The following CSMD1 variants were observed in gnomAD, a reference collection of about 807,000 sequenced individuals.
CSMD1 encodes the protein CUB and Sushi multiple domains 1.
A neutral mutation model predicts 417.5 loss-of-function variants in CSMD1; 213 were observed. That is an observed-to-expected ratio of 0.51 (90% confidence interval 0.46 to 0.57). The LOEUF is 0.57. CSMD1 is among the 20% of genes least tolerant of loss of function. The pLI, the probability that CSMD1 is intolerant of heterozygous loss-of-function variation, is 0.00. For missense variants in CSMD1, 6,923 were observed against 4,529.7 expected, an observed-to-expected ratio of 1.53 and a Z score of -15.17; for synonymous variants, 2,862 against 1,736.8, an observed-to-expected ratio of 1.65 and a Z score of -16.11.
At chr8:4,329,192 T>C (rs1252284219) in intron 3 of CSMD1, among the ~76,000 whole-genome samples, 1 of 152,198 alleles carries the variant, frequency 6.6e-6, no homozygotes, top group African/African-American at 2.4e-5. Flanking sequence ...ATAACAAGTA[T>C]AGAGATGTTT....
intron 3 of CSMD1, among the ~76,000 whole-genome samples, chr8:4,098,428 T>A (rs916677096): frequency 1.3e-5 from 2 of 152,160 alleles, no homozygotes; most frequent in Non-Finnish European, 2.9e-5. Flanking sequence ...TCATGTTACA[T>A]AATATGTGCA....
intron 9 of CSMD1, among the ~76,000 whole-genome samples, chr8:3,583,895 A>C (rs1252568315): frequency 6.6e-6 from 1 of 151,728 alleles, no homozygotes; most frequent in African/African-American, 2.4e-5. Context: ...GCAACTAGAT[A>C]GATAAGGAGC....
At chr8:3,162,746 C>T (rs1563859) in intron 37 of CSMD1, among the ~76,000 whole-genome samples, 151,261 of 151,980 alleles carry the variant, frequency 1, 75,275 homozygotes, top group East Asian at 1. Context: ...AAATATTTTA[C>T]ATTCAATCTC....
intron 1 of CSMD1, among the ~76,000 whole-genome samples, chr8:4,802,103 AC>A (rs1798320740): frequency 6.6e-6 from 1 of 152,228 alleles, no homozygotes; most frequent in South Asian, 2.1e-4. Flanking sequence ...TTAAGTGTCC[AC>A]AGACAGTTTT....
chr8:3,756,916 C>T (rs950480602), intron 5 of CSMD1, among the ~76,000 whole-genome samples: 5 of 152,112 alleles, frequency 3.3e-5, no homozygotes, highest in Admixed American at 1.3e-4. Flanking sequence ...TTGCCTCAAC[C>T]TCTGGAGTAG....
chr8:3,065,901 C>T (rs1040304520), intron 49 of CSMD1, among the ~76,000 whole-genome samples: 4 of 152,108 alleles, frequency 2.6e-5, no homozygotes, highest in Non-Finnish European at 2.9e-5. Flanking sequence ...GAGTGAAGAG[C>T]GTAGTTTCTA....
intron 3 of CSMD1, among the ~76,000 whole-genome samples, chr8:4,214,109 C>G (rs142915382): frequency 2.0e-5 from 3 of 151,902 alleles, no homozygotes; most frequent in East Asian, 1.9e-4. Context: ...CAATTTCATT[C>G]CAGTTTTTTT....
intron 5 of CSMD1, among the ~76,000 whole-genome samples, chr8:3,894,370 C>A (rs951787133): frequency 6.6e-6 from 1 of 152,166 alleles, no homozygotes; most frequent in Non-Finnish European, 1.5e-5. Flanking sequence ...GGTGTTGCAA[C>A]TCAAGGGGAG....
intron 5 of CSMD1, among the ~76,000 whole-genome samples, chr8:3,959,485 C>T (rs942199257): frequency 2.6e-5 from 4 of 152,044 alleles, no homozygotes; most frequent in African/African-American, 9.7e-5. Flanking sequence ...GATGACTGAG[C>T]GAGACTCCGT....
chr8:3,401,179 A>G (rs945563756), intron 15 of CSMD1, among the ~76,000 whole-genome samples: 3 of 152,018 alleles, frequency 2.0e-5, no homozygotes, highest in African/African-American at 7.2e-5. Context: ...AAGATACTAT[A>G]TAAGAAAGAC....
chr8:4,458,333 C>G (rs1328797657), intron 2 of CSMD1, among the ~76,000 whole-genome samples: 1 of 151,906 alleles, frequency 6.6e-6, no homozygotes, highest in Non-Finnish European at 1.5e-5. Flanking sequence ...GATCGATTAG[C>G]TGAAAGTTAT....
At chr8:3,389,987 C>A (rs1811249402) in intron 17 of CSMD1, among the ~76,000 whole-genome samples, 1 of 152,082 alleles carries the variant, frequency 6.6e-6, no homozygotes, top group South Asian at 2.1e-4. Flanking sequence ...AATTATGATA[C>A]TACATTCGAT....
intron 26 of CSMD1, among the ~76,000 whole-genome samples, chr8:3,255,236 T>A (rs1350693322): frequency 6.6e-6 from 1 of 152,010 alleles, no homozygotes. Context: ...TGGAAGTTTT[T>A]CTCAGGGGTG....
At chr8:3,458,671 A>G (rs1816306317) in intron 12 of CSMD1, among the ~76,000 whole-genome samples, 1 of 152,270 alleles carries the variant, frequency 6.6e-6, no homozygotes, top group Admixed American at 6.5e-5. Context: ...CAATAGCAAC[A>G]ATGAACACAT....
intron 3 of CSMD1, among the ~76,000 whole-genome samples, chr8:4,313,991 G>T (rs1477209186): frequency 1.3e-5 from 2 of 151,356 alleles, no homozygotes; most frequent in African/African-American, 4.9e-5. Context: ...TCCAGCCTGG[G>T]CAACAAAGTG....
chr8:3,059,658 C>T (rs535125096), intron 49 of CSMD1, among the ~76,000 whole-genome samples: 40 of 152,096 alleles, frequency 2.6e-4, no homozygotes, highest in African/African-American at 9.2e-4. Context: ...AGGAGATGAA[C>T]GGAGAGAGGG....
At chr8:3,071,500 C>A (rs1180237593) in intron 49 of CSMD1, among the ~76,000 whole-genome samples, 2 of 151,848 alleles carry the variant, frequency 1.3e-5, no homozygotes, top group East Asian at 3.9e-4. Context: ...CACATGTATC[C>A]CAGAACTTAA....
rs145333936 is a variant in CSMD1, at chr8:3,972,967, T to C, written c.818+24936A>G. On this transcript the variant is annotated intron_variant, in intron 5 of 69. Transcript: ENST00000635120. ...AAAATGAAATAAAAATTACTCACAA[T>C]ACTTATGTGGAAAAACATTTACTGC... Among the ~76,000 whole-genome samples, 528 of 151,756 alleles carry C rather than the reference T, an allele frequency of 3.5e-3. 1 individual carries two copies. The highest frequency in any genetic ancestry group is 0.011 in the African/African-American group (472 of 41,560).
At chr8:4,506,322 C>G (rs10096809) in intron 2 of CSMD1, among the ~76,000 whole-genome samples, 3 of 151,956 alleles carry the variant, frequency 2.0e-5, no homozygotes, top group African/African-American at 4.8e-5. Flanking sequence ...CAGCTACCCA[C>G]TGAAACCCAC....
Sources: allele counts gnomAD v4.1 joint callset (sites outside exome capture counted in the v4.1 genomes callset), GRCh38; gene constraint gnomAD v4.1.1; transcripts MANE v1.5; gene names NCBI Gene and HGNC (gene_info 2026-07-23, HGNC 2026-07-21).